Variants in WDFY3 observed in about 807,000 individuals in gnomAD.
WDFY3 encodes the protein WD repeat and FYVE domain containing 3.
Under a neutral mutation model 409.6 loss-of-function variants are expected in WDFY3, and 66 were observed. That is an observed-to-expected ratio of 0.16 (90% CI 0.13 to 0.20). WDFY3 has a LOEUF of 0.20. Ranked by LOEUF, WDFY3 falls within the 10% of genes least tolerant of loss-of-function variation. WDFY3 has a pLI of 1.00. For missense variants in WDFY3, 3,031 were observed against 4,298.1 expected (o/e 0.71, Z 8.24); for synonymous variants, 1,521 against 1,537.1 (o/e 0.99, Z 0.25).
intron 1 of WDFY3, among the ~76,000 whole-genome samples, chr4:84,945,906 A>C (rs1419592729): frequency 6.6e-6 from 1 of 152,162 alleles, no homozygotes; most frequent in Non-Finnish European, 1.5e-5. Context: ...TTATTTCCTC[A>C]TAACAATAAA....
intron 32 of WDFY3, among the ~76,000 whole-genome samples, chr4:84,764,249 G>A (rs1947997): frequency 0.98 from 149,536 of 152,312 alleles, 73,475 homozygotes; most frequent in Non-Finnish European, 1. Context: ...CTCACATTCA[G>A]TTGTGCCTTT....
chr4:84,703,503 T>C (rs1731406143), intron 55 of WDFY3, among the ~76,000 whole-genome samples: 2 of 152,098 alleles, frequency 1.3e-5, no homozygotes, highest in Admixed American at 1.3e-4. Flanking sequence ...CCTGTTTCCT[T>C]GTCGAACTCT....
intron 32 of WDFY3, among the ~76,000 whole-genome samples, chr4:84,761,617 C>G (rs1742608767): frequency 6.6e-6 from 1 of 152,066 alleles, no homozygotes. Context: ...CAAATGGGAT[C>G]TAATTAAACT....
chr4:84,896,656 A>T (rs1267964227), intron 3 of WDFY3, among the ~76,000 whole-genome samples: 1 of 152,216 alleles, frequency 6.6e-6, no homozygotes, highest in African/African-American at 2.4e-5. Flanking sequence ...AAATATGTTA[A>T]ATATGTGTAA....
intron 10 of WDFY3, among the ~76,000 whole-genome samples, chr4:84,824,322 T>A (rs1230720622): frequency 3.3e-5 from 5 of 152,306 alleles, no homozygotes; most frequent in Middle Eastern, 3.4e-3. Flanking sequence ...TTTACTATTA[T>A]TGTTGTTAAT....
chr4:84,693,917 C>T (rs1001283610), intron 58 of WDFY3, among the ~76,000 whole-genome samples: 1 of 147,654 alleles, frequency 6.8e-6, no homozygotes, highest in African/African-American at 2.5e-5. Flanking sequence ...AAAAAAAGTA[C>T]ATTTAAGATT....
At chr4:84,700,391 A>T (rs1298180186) in intron 56 of WDFY3, among the ~76,000 whole-genome samples, 1 of 152,098 alleles carries the variant, frequency 6.6e-6, no homozygotes, top group East Asian at 1.9e-4. Context: ...TTTTGTAGAG[A>T]TGAGGTTTTG....
At chr4:84,959,535 C>G (rs888937879) in intron 1 of WDFY3, among the ~76,000 whole-genome samples, 1 of 152,026 alleles carries the variant, frequency 6.6e-6, no homozygotes, top group African/African-American at 2.4e-5. Flanking sequence ...AACAACTGGA[C>G]CTGATGCTTA....
intron 55 of WDFY3, 27 bp from the exon 56 acceptor site, chr4:84,702,533 A>G (rs766058006): frequency 6.5e-7 from 1 of 1,548,078 alleles, no homozygotes; most frequent in East Asian, 2.3e-5. Flanking sequence ...ACACCTCTCT[A>G]TTAGAGAACC....
intron 28 of WDFY3, 22 bp downstream of exon 28, chr4:84,775,043 C>G: frequency 2.5e-6 from 4 of 1,613,020 alleles, no homozygotes; most frequent in Non-Finnish European, 3.4e-6. Flanking sequence ...GAATAATTAA[C>G]TACGTGGGTA....
At chr4:84,712,304 G>A (rs1733035733) in intron 51 of WDFY3, among the ~76,000 whole-genome samples, 1 of 148,192 alleles carries the variant, frequency 6.7e-6, no homozygotes, top group Admixed American at 6.8e-5. Context: ...AGAGGTTGCA[G>A]TGAGCCAAGA....
At chr4:84,781,392 G>GTTT (rs1299711060) in intron 25 of WDFY3, among the ~76,000 whole-genome samples, 8 of 126,968 alleles carry the variant, frequency 6.3e-5, no homozygotes, top group Non-Finnish European at 1.0e-4. Context: ...TTTCCCTTTT[G>GTTT]TTTTTTTTTT....
chr4:84,713,121 A>T, intron 51 of WDFY3, 38 bp downstream of exon 51: 1 of 1,593,806 alleles, frequency 6.3e-7, no homozygotes, highest in Non-Finnish European at 8.6e-7. Flanking sequence ...TCCCAACTTC[A>T]CTATTAAACT....
At chr4:84,826,758 A>C (rs1231314990) in intron 10 of WDFY3, 57 bp downstream of exon 10, 66 of 1,501,902 alleles carry the variant, frequency 4.4e-5, no homozygotes, top group Non-Finnish European at 3.3e-5. Flanking sequence ...AAAATAAGAC[A>C]AATTCATTCT....
chr4:84,769,229 A>C (rs1744202731), intron 30 of WDFY3, among the ~76,000 whole-genome samples: 1 of 152,208 alleles, frequency 6.6e-6, no homozygotes, highest in African/African-American at 2.4e-5. Context: ...CAAAGGACTC[A>C]GAATATTACA....
intron 3 of WDFY3, among the ~76,000 whole-genome samples, chr4:84,871,419 A>C (rs1180052583): frequency 1.3e-5 from 2 of 152,150 alleles, no homozygotes; most frequent in Non-Finnish European, 2.9e-5. Flanking sequence ...ATATCTAATA[A>C]AATTATCCTT....
At chr4:84,904,881 G>A (rs1330587081) in intron 2 of WDFY3, among the ~76,000 whole-genome samples, 28 of 152,366 alleles carry the variant, frequency 1.8e-4, no homozygotes, top group African/African-American at 6.3e-4. Flanking sequence ...GCTCACACCT[G>A]TAATCCCAGC....
chr4:84,689,707 G>C (rs1728931124), intron 61 of WDFY3, among the ~76,000 whole-genome samples: 1 of 152,116 alleles, frequency 6.6e-6, no homozygotes, highest in Non-Finnish European at 1.5e-5. Context: ...CTTGTGTCTT[G>C]ACCACTCTAA....
At chr4:84,681,740 C>T (rs186142911) in intron 64 of WDFY3, among the ~76,000 whole-genome samples, 3 of 152,262 alleles carry the variant, frequency 2.0e-5, no homozygotes, top group African/African-American at 4.8e-5. Flanking sequence ...TCAAAGGGGG[C>T]GGCTTCTTCA....
Sources: gnomAD v4.1 joint callset for allele counts (sites outside exome capture counted in the v4.1 genomes callset) on GRCh38, gnomAD v4.1.1 for gene constraint, MANE v1.5 for transcripts, NCBI Gene and HGNC (gene_info 2026-07-23, HGNC 2026-07-21) for gene names.